NTRK3: variants seen among roughly 807,000 people sequenced by gnomAD.
NTRK3 encodes NT-3 growth factor receptor.
Under a neutral mutation model 91.7 loss-of-function variants are expected in NTRK3, and 24 were observed. The ratio of observed to expected loss-of-function variants is 0.26; its 90% CI spans 0.19 to 0.37. The LOEUF (loss-of-function observed/expected upper bound fraction) is 0.37, where lower values mean the gene tolerates loss of function less well. Ranked by LOEUF, NTRK3 falls within the 10% of genes least tolerant of loss-of-function variation. NTRK3 has a pLI of 1.00. For missense variants in NTRK3, 880 were observed against 1,068.9 expected (o/e 0.82, Z 2.46); for synonymous variants, 483 against 404.0 (o/e 1.20, Z -2.34).
exon 19 of NTRK3, chr15:87,875,013 A>C (rs2064912429): frequency 4.3e-6 from 1 of 231,376 alleles, no homozygotes; most frequent in African/African-American, 2.2e-5. Flanking sequence ...ATCTGAGCAC[A>C]GCTCTTTACT....
chr15:87,900,886 G>C (rs1340240731), intron 17 of NTRK3, among the ~76,000 whole-genome samples: 1 of 152,016 alleles, frequency 6.6e-6, no homozygotes, highest in African/African-American at 2.4e-5. Context: ...TGACCTTTAG[G>C]GATCATCCAG....
chr15:87,875,198 G>A (rs372435960), exon 19 of NTRK3: 29 of 230,944 alleles, frequency 1.3e-4, no homozygotes, highest in African/African-American at 2.4e-4. Flanking sequence ...AGAGGCCCCC[G>A]GGAGGTGAGC....
At chr15:88,060,146 C>G (rs937206480) in intron 13 of NTRK3, among the ~76,000 whole-genome samples, 1 of 151,962 alleles carries the variant, frequency 6.6e-6, no homozygotes, top group African/African-American at 2.4e-5. Context: ...TTTGGGTGGC[C>G]AAGGCAGGAA....
chr15:88,179,853 A>C (rs984678309), intron 5 of NTRK3, among the ~76,000 whole-genome samples: 1 of 152,230 alleles, frequency 6.6e-6, no homozygotes, highest in Admixed American at 6.5e-5. Flanking sequence ...AAAGAGGAGA[A>C]TAGAGAACTT....
chr15:88,252,606 G>GC, intron 3 of NTRK3: 1 of 152,376 alleles, frequency 6.6e-6, no homozygotes, highest in African/African-American at 2.4e-5. Context: ...CCCCAGGTAG[G>GC]CCTGGCCTAG....
intron 5 of NTRK3, among the ~76,000 whole-genome samples, chr15:88,164,216 C>T (rs1374202416): frequency 6.6e-6 from 1 of 152,226 alleles, no homozygotes; most frequent in Non-Finnish European, 1.5e-5. Flanking sequence ...CCTTGCTGGA[C>T]CCACACGGTG....
chr15:88,081,380 T>C (rs2150647662), intron 13 of NTRK3, among the ~76,000 whole-genome samples: 1 of 152,286 alleles, frequency 6.6e-6, no homozygotes, highest in Admixed American at 6.5e-5. Flanking sequence ...CTCAGAACTA[T>C]GCAAACTGCC....
chr15:87,955,133 T>G (rs1405778660), intron 14 of NTRK3, among the ~76,000 whole-genome samples: 3 of 152,224 alleles, frequency 2.0e-5, no homozygotes, highest in Non-Finnish European at 4.4e-5. Flanking sequence ...GTATCAGGCA[T>G]GGAGTGCATG....
intron 15 of NTRK3, among the ~76,000 whole-genome samples, chr15:87,939,561 T>C (rs1461333069): frequency 2.6e-5 from 4 of 152,200 alleles, no homozygotes; most frequent in Non-Finnish European, 4.4e-5. Flanking sequence ...AGACTATGAA[T>C]ACAGAGACCC....
At chr15:88,033,510 C>T (rs2078790991) in intron 13 of NTRK3, among the ~76,000 whole-genome samples, 1 of 151,764 alleles carries the variant, frequency 6.6e-6, no homozygotes, top group African/African-American at 2.4e-5. Flanking sequence ...AGGATTTTAC[C>T]ATGTTGGCCA....
intron 13 of NTRK3, among the ~76,000 whole-genome samples, chr15:88,095,995 G>A (rs757680762): frequency 3.9e-5 from 6 of 152,100 alleles, no homozygotes; most frequent in Non-Finnish European, 7.4e-5. Flanking sequence ...CCCTAACAGC[G>A]ATTTGATTTT....
intron 14 of NTRK3, among the ~76,000 whole-genome samples, chr15:87,982,062 C>T (rs76892178): frequency 1.3e-5 from 2 of 152,140 alleles, no homozygotes; most frequent in Admixed American, 6.5e-5. Context: ...AGATCCGTGT[C>T]GGATCCATTA....
chr15:88,114,178 A>C (rs1283870156), intron 13 of NTRK3, among the ~76,000 whole-genome samples: 1 of 152,204 alleles, frequency 6.6e-6, no homozygotes, highest in Non-Finnish European at 1.5e-5. Flanking sequence ...TGGGGGAATG[A>C]GTCAGCCTCT....
intron 3 of NTRK3, among the ~76,000 whole-genome samples, chr15:88,228,209 T>G (rs1454514511): frequency 6.6e-6 from 1 of 152,146 alleles, no homozygotes; most frequent in Non-Finnish European, 1.5e-5. Flanking sequence ...ATCCCAGCAC[T>G]GAGAATCCAT....
intron 13 of NTRK3, among the ~76,000 whole-genome samples, chr15:88,087,937 G>C (rs2048658596): frequency 2.0e-5 from 3 of 152,176 alleles, no homozygotes; most frequent in Non-Finnish European, 4.4e-5. Flanking sequence ...ATTAATCCCA[G>C]CTACTAGGGA....
rs1050501756 is a variant in NTRK3 at position 88,191,956 on chromosome 15, G to A, written c.249-7657C>T. ...GCCAGGGGTTGGGACGGCTTGTGCC[G>A]GTGACCCCAGCATGCCAGCACGTTA... On this transcript the variant is annotated intron_variant, in intron 3 of 18. Coordinates refer to ENST00000394480, the Ensembl canonical transcript of NTRK3. Among the ~76,000 whole-genome samples, 4 of 152,190 alleles carry A rather than the reference G, an allele frequency of 2.6e-5. No individual in the cohort carries two copies. The East Asian group carries it at 5.8e-4, about 22-fold the overall frequency.
intron 5 of NTRK3, among the ~76,000 whole-genome samples, chr15:88,177,757 T>C (rs1301964521): frequency 1.3e-5 from 2 of 152,234 alleles, no homozygotes; most frequent in Non-Finnish European, 2.9e-5. Flanking sequence ...CTAAGGACTC[T>C]TCCAGCTTTA....
chr15:88,061,020 T>G (rs1179502271), intron 13 of NTRK3, among the ~76,000 whole-genome samples: 2 of 152,106 alleles, frequency 1.3e-5, no homozygotes, highest in African/African-American at 4.8e-5. Flanking sequence ...AAGTTGTTTT[T>G]AATTTGTTCA....
chr15:88,077,908 C>G (rs1478811636), intron 13 of NTRK3, among the ~76,000 whole-genome samples: 2 of 152,208 alleles, frequency 1.3e-5, no homozygotes, highest in East Asian at 3.9e-4. Context: ...GAGGACAGAG[C>G]AGTGTGGGCT....
Sources: allele counts gnomAD v4.1 joint callset (sites outside exome capture counted in the v4.1 genomes callset), GRCh38; gene constraint gnomAD v4.1.1; transcripts MANE v1.5; gene names NCBI Gene and HGNC (gene_info 2026-07-23, HGNC 2026-07-21).